Variants in PTPRM observed in about 807,000 individuals in gnomAD.
PTPRM encodes receptor-type tyrosine-protein phosphatase mu.
A neutral mutation model predicts 186.7 loss-of-function variants in PTPRM; 47 were observed. That is an observed-to-expected ratio of 0.25 (90% CI 0.20 to 0.32). PTPRM has a LOEUF of 0.32. Among genes scored for constraint, PTPRM ranks in the 10% least tolerant of loss-of-function variants. The pLI is 1.00. For synonymous variants in PTPRM, 668 were observed against 674.9 expected, an observed-to-expected ratio of 0.99 and a Z score of 0.16; for missense variants, 1,494 against 1,865.0, an observed-to-expected ratio of 0.80 and a Z score of 3.66.
intron 14 of PTPRM, among the ~76,000 whole-genome samples, chr18:8,144,247 GAAAGAGAACCCGC>G (rs2092829346): frequency 1.3e-5 from 2 of 152,298 alleles, no homozygotes; most frequent in African/African-American, 4.8e-5. Flanking sequence ...ACATCCATGA[GAAAGAGAACCCGC>G]AAAAACAGCC....
intron 17 of PTPRM, 191 bp downstream of exon 17, chr18:8,248,367 G>T (rs2094497321): frequency 1.5e-6 from 1 of 686,346 alleles, no homozygotes; most frequent in Admixed American, 2.1e-5. Context: ...CCATTAATAA[G>T]AGGGGTTTGC....
At chr18:7,663,257 C>T (rs1041388348) in intron 1 of PTPRM, among the ~76,000 whole-genome samples, 1 of 152,090 alleles carries the variant, frequency 6.6e-6, no homozygotes, top group African/African-American at 2.4e-5. Context: ...TGTTTACTGC[C>T]AGTATTTTAA....
intron 23 of PTPRM, among the ~76,000 whole-genome samples, chr18:8,354,569 G>T (rs143518237): frequency 6.6e-6 from 1 of 152,156 alleles, no homozygotes; most frequent in African/African-American, 2.4e-5. Flanking sequence ...AAGCCCTATT[G>T]CTCTTATCAC....
chr18:7,800,834 G>T (rs1043745336), intron 2 of PTPRM, among the ~76,000 whole-genome samples: 1 of 152,186 alleles, frequency 6.6e-6, no homozygotes, highest in Non-Finnish European at 1.5e-5. Flanking sequence ...AACCTGTACA[G>T]CATGTTACTG....
intron 23 of PTPRM, among the ~76,000 whole-genome samples, chr18:8,367,293 G>A (rs2095636115): frequency 6.6e-6 from 1 of 152,208 alleles, no homozygotes; most frequent in African/African-American, 2.4e-5. Context: ...GAAATGCCTG[G>A]GCCGCCTGTT....
intron 14 of PTPRM, among the ~76,000 whole-genome samples, chr18:8,182,817 A>T (rs1391912560): frequency 3.9e-5 from 6 of 152,172 alleles, no homozygotes; most frequent in Non-Finnish European, 8.8e-5. Flanking sequence ...AAGTAAAATA[A>T]TCTATCATCT....
At chr18:7,919,254 C>T (rs2050729692) in intron 4 of PTPRM, among the ~76,000 whole-genome samples, 2 of 152,128 alleles carry the variant, frequency 1.3e-5, no homozygotes, top group Non-Finnish European at 2.9e-5. Context: ...TTTCTTTTTG[C>T]TCAGGCTTGC....
At chr18:7,702,982 T>A (rs1192805663) in intron 1 of PTPRM, among the ~76,000 whole-genome samples, 1 of 152,174 alleles carries the variant, frequency 6.6e-6, no homozygotes, top group African/African-American at 2.4e-5. Flanking sequence ...AAGACTGGGT[T>A]GTTGTAGTTG....
intron 3 of PTPRM, among the ~76,000 whole-genome samples, chr18:7,905,226 C>G (rs887805279): frequency 6.6e-6 from 1 of 152,174 alleles, no homozygotes. Context: ...CTCCCGACCT[C>G]AGGTGATCTG....
intron 2 of PTPRM, among the ~76,000 whole-genome samples, chr18:7,873,137 G>T (rs2048059865): frequency 6.6e-6 from 1 of 152,004 alleles, no homozygotes; most frequent in African/African-American, 2.4e-5. Flanking sequence ...ATTAGTTTTG[G>T]TTCCATACTG....
At chr18:8,355,004 A>G (rs926278049) in intron 23 of PTPRM, among the ~76,000 whole-genome samples, 2 of 152,204 alleles carry the variant, frequency 1.3e-5, no homozygotes, top group African/African-American at 4.8e-5. Flanking sequence ...GCCTTCTCAA[A>G]CTAAAGGTAC....
chr18:7,598,350 A>T (rs1169294476), intron 1 of PTPRM, among the ~76,000 whole-genome samples: 3 of 152,214 alleles, frequency 2.0e-5, no homozygotes, highest in African/African-American at 7.2e-5. Context: ...TTGTGTTTCT[A>T]GTTATACAAA....
intron 23 of PTPRM, among the ~76,000 whole-genome samples, chr18:8,357,409 A>G (rs545704448): frequency 6.6e-6 from 1 of 152,336 alleles, no homozygotes; most frequent in African/African-American, 2.4e-5. Context: ...AAGTTCTCAA[A>G]ATTACTTAAA....
chr18:7,916,800 A>G (rs1045858748), intron 4 of PTPRM, among the ~76,000 whole-genome samples: 6 of 151,956 alleles, frequency 3.9e-5, no homozygotes, highest in Non-Finnish European at 8.8e-5. Flanking sequence ...AACATTCCAT[A>G]TCCTCTCTTC....
chr18:8,043,171 T>A (rs530900120), intron 7 of PTPRM, among the ~76,000 whole-genome samples: 4 of 152,318 alleles, frequency 2.6e-5, no homozygotes, highest in Non-Finnish European at 5.9e-5. Flanking sequence ...TGTTTTATCT[T>A]GGTGATACAT....
rs139025762 is a variant in PTPRM at position 7,834,330 on chromosome 18, G to A, written c.197-53776G>A. On this transcript the variant is annotated intron_variant, in intron 2 of 32. Transcript: ENST00000580170. ...ATGTATTGTTGAATTCAGTTTGCTAGTATTTTGTTGAGGATTGTTGCTTCA... is the reference window on the plus strand; with the variant it reads ...ATGTATTGTTGAATTCAGTTTGCTAATATTTTGTTGAGGATTGTTGCTTCA... Among the ~76,000 whole-genome samples, 729 of 149,782 alleles carry A rather than the reference G, an allele frequency of 4.9e-3. 5 individuals are homozygous for A. Among genetic ancestry groups the A allele is most frequent in the African/African-American group, 0.017 (696 of 40,850 alleles).
At chr18:8,082,960 T>C (rs2090217854) in intron 9 of PTPRM, among the ~76,000 whole-genome samples, 1 of 151,540 alleles carries the variant, frequency 6.6e-6, no homozygotes, top group African/African-American at 2.4e-5. Flanking sequence ...CTTTATTCCA[T>C]CCTCTTTTTT....
At chr18:8,387,946 A>C (rs1185084938) in intron 31 of PTPRM, among the ~76,000 whole-genome samples, 14 of 17,092 alleles carry the variant, frequency 8.2e-4, no homozygotes, top group African/African-American at 1.2e-3. Flanking sequence ...GCTTTACATG[A>C]AAAAAAAAAA....
chr18:7,772,918 T>C (rs1310858831), intron 1 of PTPRM, among the ~76,000 whole-genome samples: 2 of 152,210 alleles, frequency 1.3e-5, no homozygotes, highest in African/African-American at 4.8e-5. Context: ...AGTAGAATTT[T>C]CATAATAATT....
Sources: gnomAD v4.1 joint callset for allele counts (sites outside exome capture counted in the v4.1 genomes callset) on GRCh38, gnomAD v4.1.1 for gene constraint, MANE v1.5 for transcripts, NCBI Gene and HGNC (gene_info 2026-07-23, HGNC 2026-07-21) for gene names.